The following CRX variants were observed in gnomAD, a reference collection of about 807,000 sequenced individuals.
The protein encoded by CRX is cone-rod homeobox.
A neutral mutation model predicts 13.1 loss-of-function variants in CRX; 5 were observed. The observed-to-expected ratio is 0.38, with a 90% CI of 0.20 to 0.80. The LOEUF (loss-of-function observed/expected upper bound fraction) is 0.80, where lower values mean the gene tolerates loss of function less well. CRX is among the 30% of genes least tolerant of loss of function. The pLI is 0.43. For synonymous variants in CRX, 179 were observed against 171.1 expected (o/e 1.05, Z -0.36); for missense variants, 351 against 391.8 (o/e 0.90, Z 0.88).
intron 1 of CRX, among the ~76,000 whole-genome samples, chr19:47,829,985 C>T (rs756164596): frequency 4.0e-5 from 6 of 150,468 alleles, no homozygotes; most frequent in Non-Finnish European, 8.9e-5. Context: ...ACATACTGCC[C>T]AGCACCATAC....
chr19:47,824,704 C>T (rs1175912075), intron 1 of CRX, among the ~76,000 whole-genome samples: 1 of 152,148 alleles, frequency 6.6e-6, no homozygotes, highest in African/African-American at 2.4e-5. Flanking sequence ...AGCATTCAGA[C>T]CTCACCTGTG....
intron 2 of CRX, among the ~76,000 whole-genome samples, chr19:47,835,097 C>A (rs1005045341): frequency 2.6e-5 from 4 of 152,110 alleles, no homozygotes; most frequent in Non-Finnish European, 5.9e-5. Flanking sequence ...TGGGCTCAAG[C>A]GATCCTTTTG....
chr19:47,830,352 T>A (rs1353166565), intron 1 of CRX, among the ~76,000 whole-genome samples: 1 of 151,884 alleles, frequency 6.6e-6, no homozygotes, highest in Non-Finnish European at 1.5e-5. Context: ...GACGCATATA[T>A]AATAAGCACA....
Position 47,840,702 on chromosome 19 carries a change from C to CCTT in CRX, c.*736_*738dup, listed in dbSNP as rs1260306886. On this transcript the variant is annotated 3_prime_UTR_variant, in exon 4 of 4. Transcript: ENST00000221996. ...ACAGGCGTGAGCCACCGCGCCCGGC[C>CCTT]CTTTTTTTTTTTTTTTTTTTTAATT... 1.2e-5 allele frequency: 1 copy of CCTT among 84,004 alleles called. No homozygotes were observed. The highest frequency in any genetic ancestry group is 1.2e-4 in the Admixed American group (1 of 8,444). 5.2% of individuals were successfully genotyped at this position (84,004 alleles called of 1,614,324 possible). A position where few individuals can be genotyped will look rare whatever the true frequency, so the allele number is the denominator to read the frequency against.
chr19:47,824,451 C>T (rs1967950796), intron 1 of CRX, among the ~76,000 whole-genome samples: 1 of 152,186 alleles, frequency 6.6e-6, no homozygotes, highest in African/African-American at 2.4e-5. Context: ...GCCTCAGTTT[C>T]CTTCTCTGTA....
In CRX at chr19:47,834,424, C is replaced by A. The variant is rs1355309884; in HGVS notation, c.-20C>A. 1.3e-6 allele frequency: 2 copies of A among 1,594,874 alleles called. No individual in the cohort carries two copies. The highest frequency in any genetic ancestry group is 4.5e-5 in the East Asian group (2 of 44,792). The stretch of plus-strand genomic sequence containing the variant: ...TCTCTTGCAGGCCCCCTGACTTGGG[C>A]CTCAGTGTCCCCGAAGATCATGATG... On this transcript the variant is annotated 5_prime_UTR_variant, in exon 2 of 4. Transcript: ENST00000221996.
At chr19:47,828,728 T>C (rs1009402702) in intron 1 of CRX, among the ~76,000 whole-genome samples, 4 of 148,244 alleles carry the variant, frequency 2.7e-5, no homozygotes, top group African/African-American at 1.0e-4. Context: ...GGCTTTGGGG[T>C]GGGGGAGAGG....
At position 47,836,300 on chromosome 19, in the gene CRX, A is replaced by G. The variant is rs967929101; in HGVS notation, c.158A>G (p.Glu53Gly). 1.9e-6 allele frequency: 3 copies of G among 1,614,138 alleles called. No individual in the cohort carries two copies. The highest frequency in any genetic ancestry group is 2.5e-6 in the Non-Finnish European group (3 of 1,180,022). The change falls in exon 3 of 4, where the codon GAG becomes GGG. Residue 53 changes from glutamate to glycine, a missense_variant. By Grantham distance (98) the Glu-to-Gly change is moderately conservative (BLOSUM62 -2). Transcript: ENST00000221996. ...RTTFTRSQLEELEALFAKTQY... is the reference protein window; with the variant it reads ...RTTFTRSQLEGLEALFAKTQY... ...ACCTTCACCCGGAGCCAACTGGAGG[A>G]GCTGGAGGCACTGTTTGCCAAGACC...
rs1968186365 is a variant in CRX, at chr19:47,840,735, A to G, written c.*768A>G. 2 of 101,604 alleles carry G rather than the reference A, an allele frequency of 2.0e-5. No homozygotes were observed. 6.3% of individuals were successfully genotyped at this position (101,604 alleles called of 1,614,324 possible). On this transcript the variant is annotated 3_prime_UTR_variant, in exon 4 of 4. Transcript: ENST00000221996. ...TTTTTTTTTTTTTTAATTGAGACGGAGTCTCACTCTTTTGCTTAGGCTGGA... is the reference window on the plus strand; with the variant it reads ...TTTTTTTTTTTTTTAATTGAGACGGGGTCTCACTCTTTTGCTTAGGCTGGA...
intron 1 of CRX, among the ~76,000 whole-genome samples, chr19:47,831,119 C>A (rs932918792): frequency 2.6e-5 from 4 of 151,710 alleles, no homozygotes; most frequent in African/African-American, 9.7e-5. Flanking sequence ...CCAGCCTGGC[C>A]AACATGGTGA....
rs766212451 is a variant in CRX at position 47,839,682 on chromosome 19, C to G, written c.615C>G (p.Pro205=). 2.5e-6 allele frequency: 4 copies of G among 1,613,806 alleles called. No homozygotes were observed. In the South Asian group the frequency reaches 3.3e-5, roughly 13 times the overall value. The change falls in exon 4 of 4, where the codon CCC becomes CCG. Residue 205 remains proline (P), a synonymous_variant. Coordinates refer to ENST00000221996, the MANE Select transcript of CRX (RefSeq NM_000554.6). This position sits in a 1 kb window ranked among gnomAD's most constrained non-coding sequence, Gnocchi z 4.6. ...YAPASAFCSS[P]SAYGSPSSYF... is the part of the protein sequence containing the mutation. ...CGGCCTCCGCTTTCTGCTCTTCCCC[C>G]TCCGCCTATGGGTCTCCGAGCTCCT...
chr19:47,825,160 A>G, intron 1 of CRX, among the ~76,000 whole-genome samples: 1 of 151,576 alleles, frequency 6.6e-6, no homozygotes, highest in Non-Finnish European at 1.5e-5. Context: ...TTGTATTTTT[A>G]GTAGACGGGG....
At chr19:47,826,119 C>T (rs577443127) in intron 1 of CRX, among the ~76,000 whole-genome samples, 1 of 152,276 alleles carries the variant, frequency 6.6e-6, no homozygotes, top group South Asian at 2.1e-4. Context: ...CTTGTCTCCA[C>T]TCTCTGGAGG....
chr19:47,824,710 C>T (rs1414234528), intron 1 of CRX, among the ~76,000 whole-genome samples: 1 of 152,162 alleles, frequency 6.6e-6, no homozygotes, highest in Admixed American at 6.6e-5. Context: ...CAGACCTCAC[C>T]TGTGGGAACA....
In CRX at chr19:47,843,026, TGAGACTCCACCAG is replaced by T. The variant is rs1005673716; in HGVS notation, c.*3063_*3075del. ...GAGAGAGCCTGATCCTGGGGTCTTC[TGAGACTCCACCAG>T]GAGCCGGAGAGGGCAGGGAGCCAAA... On this transcript the variant is annotated 3_prime_UTR_variant, in exon 4 of 4. Coordinates refer to ENST00000221996, the MANE Select transcript of CRX (RefSeq NM_000554.6). 6 of 152,196 alleles carry T rather than the reference TGAGACTCCACCAG, an allele frequency of 3.9e-5. No homozygotes were observed. The highest frequency in any genetic ancestry group is 7.3e-5 in the Non-Finnish European group (5 of 68,072). 9.4% of individuals were successfully genotyped at this position (152,196 alleles called of 1,614,324 possible). A position where few individuals can be genotyped will look rare whatever the true frequency, so the allele number is the denominator to read the frequency against.
chr19:47,823,769 C>T (rs1444506027), intron 1 of CRX, among the ~76,000 whole-genome samples: 3 of 151,864 alleles, frequency 2.0e-5, no homozygotes, highest in Non-Finnish European at 2.9e-5. Context: ...CCTGCCTCAG[C>T]CTCTCAAGTA....
intron 1 of CRX, 99 bp from the exon 2 acceptor site, chr19:47,834,310 C>A: frequency 1.3e-6 from 1 of 749,272 alleles, no homozygotes; most frequent in Non-Finnish European, 2.4e-6. Flanking sequence ...AGGTCACATA[C>A]CTAAGAGGAG....
intron 1 of CRX, among the ~76,000 whole-genome samples, chr19:47,826,994 G>A (rs892663030): frequency 2.0e-5 from 3 of 152,162 alleles, no homozygotes; most frequent in African/African-American, 7.2e-5. Flanking sequence ...CCGTGGGATG[G>A]CTTGAGCATC....
At position 47,842,710 on chromosome 19, in the gene CRX, G is replaced by A. The variant is rs1322645939; in HGVS notation, c.*2743G>A. On this transcript the variant is annotated 3_prime_UTR_variant, in exon 4 of 4. Transcript: ENST00000221996. ...GGAGCTAGACAAAATTCACACGGGA[G>A]GGGCAGGGATGAGACAATATTGTGC... The A allele has an allele frequency of 6.6e-6, 1 of 152,274 alleles. No homozygotes were observed. The highest frequency in any genetic ancestry group is 1.5e-5 in the Non-Finnish European group (1 of 68,114). The allele number at this position is 152,274 out of a possible 1,614,324, so 9.4% of individuals were successfully genotyped here.
Sources: allele counts gnomAD v4.1 joint callset (sites outside exome capture counted in the v4.1 genomes callset), GRCh38; gene constraint gnomAD v4.1.1; non-coding constraint Gnocchi (gnomAD v3.1); transcripts MANE v1.5; gene names NCBI Gene and HGNC (gene_info 2026-07-23, HGNC 2026-07-21).